SAMTOR: variants seen among roughly 807,000 people sequenced by gnomAD.
SAMTOR encodes the protein S-adenosylmethionine sensor upstream of mTORC1, also known as UPF0532 protein C7orf60.
chr7:112,922,821 G>T, the SAMTOR span, among the ~76,000 whole-genome samples: 1 of 151,160 alleles, frequency 6.6e-6, no homozygotes, highest in African/African-American at 2.4e-5. Context: ...GCCCCGTCCG[G>T]GAGGGAGGTG....
At chr7:112,906,431 A>G in the SAMTOR span, among the ~76,000 whole-genome samples, 1 of 152,230 alleles carries the variant, frequency 6.6e-6, no homozygotes, top group South Asian at 2.1e-4. Flanking sequence ...CATTTACAAC[A>G]GCAATAAAAA....
the SAMTOR span, chr7:112,822,123 G>A: frequency 1.2e-6 from 2 of 1,613,876 alleles, no homozygotes; most frequent in Non-Finnish European, 1.7e-6. Flanking sequence ...CTGATGGGAG[G>A]AATCAGGTGT....
the SAMTOR span, among the ~76,000 whole-genome samples, chr7:112,916,584 AGTGGGTGCAGGACG>A: frequency 3.3e-5 from 5 of 152,080 alleles, no homozygotes; most frequent in East Asian, 7.7e-4. Context: ...AGTGCCAGAC[AGTGGGTGCAGGACG>A]GTGGGTGCAG....
the SAMTOR span, among the ~76,000 whole-genome samples, chr7:112,893,691 C>G: frequency 6.6e-6 from 1 of 152,172 alleles, no homozygotes; most frequent in Non-Finnish European, 1.5e-5. Context: ...ATCACGAGGT[C>G]AAGAGATCCA....
chr7:112,820,364 T>C, the SAMTOR span: 1 of 152,388 alleles, frequency 6.6e-6, no homozygotes, highest in South Asian at 2.1e-4. Context: ...AATGCAAGTT[T>C]CCTTTAAAAA....
the SAMTOR span, among the ~76,000 whole-genome samples, chr7:112,926,832 G>A: frequency 1.4e-4 from 21 of 152,190 alleles, no homozygotes; most frequent in African/African-American, 5.1e-4. Context: ...TATATCCTAT[G>A]CAAGGCATCC....
chr7:112,912,481 T>C, the SAMTOR span, among the ~76,000 whole-genome samples: 1 of 152,038 alleles, frequency 6.6e-6, no homozygotes, highest in East Asian at 1.9e-4. Context: ...CAAACTTTTG[T>C]CCAACCCTTT....
the SAMTOR span, among the ~76,000 whole-genome samples, chr7:112,896,197 G>A: frequency 2.0e-5 from 3 of 151,858 alleles, no homozygotes; most frequent in African/African-American, 2.4e-5. Flanking sequence ...GTGCGTGCAC[G>A]CGCGCACGCG....
chr7:112,939,823 G>C, the SAMTOR span: 4 of 1,245,136 alleles, frequency 3.2e-6, no homozygotes, highest in Non-Finnish European at 4.5e-6. Flanking sequence ...GGTGGGGTAG[G>C]AGGAGGGAGC....
the SAMTOR span, among the ~76,000 whole-genome samples, chr7:112,909,618 A>G: frequency 1.3e-5 from 2 of 152,086 alleles, no homozygotes; most frequent in Admixed American, 1.3e-4. Flanking sequence ...CTTACATTTC[A>G]GTTATTTTAT....
At chr7:112,882,514 C>T in the SAMTOR span, among the ~76,000 whole-genome samples, 1 of 152,026 alleles carries the variant, frequency 6.6e-6, no homozygotes, top group African/African-American at 2.4e-5. Flanking sequence ...CATGGTGAAA[C>T]CCCATCTCTA....
chr7:112,928,635 T>C, the SAMTOR span, among the ~76,000 whole-genome samples: 8 of 151,946 alleles, frequency 5.3e-5, no homozygotes, highest in Admixed American at 5.2e-4. Flanking sequence ...ATTAAATTAG[T>C]TGCTAAGATA....
the SAMTOR span, among the ~76,000 whole-genome samples, chr7:112,901,284 C>T: frequency 1.3e-5 from 2 of 152,180 alleles, no homozygotes; most frequent in African/African-American, 2.4e-5. Flanking sequence ...CTAAGCTTTG[C>T]ACCTTGTCAG....
At chr7:112,836,711 T>A in the SAMTOR span, among the ~76,000 whole-genome samples, 3 of 151,752 alleles carry the variant, frequency 2.0e-5, no homozygotes, top group African/African-American at 7.2e-5. Context: ...AAATAGCGAG[T>A]CCTGTCCCCA....
the SAMTOR span, among the ~76,000 whole-genome samples, chr7:112,916,793 C>A: frequency 6.6e-6 from 1 of 152,220 alleles, no homozygotes; most frequent in Admixed American, 6.5e-5. Context: ...GAGATTATAT[C>A]CCACACCTGA....
the SAMTOR span, among the ~76,000 whole-genome samples, chr7:112,855,523 C>T: frequency 1.3e-5 from 2 of 152,092 alleles, no homozygotes; most frequent in South Asian, 2.1e-4. Context: ...TCTAGTTTAG[C>T]GTGGATGTAG....
At chr7:112,860,790 T>TC in the SAMTOR span, among the ~76,000 whole-genome samples, 7 of 151,520 alleles carry the variant, frequency 4.6e-5, no homozygotes, top group Non-Finnish European at 1.0e-4. Context: ...CGGGCGCTTG[T>TC]AGTCCCAGCT....
chr7:112,930,211 T>G, the SAMTOR span, among the ~76,000 whole-genome samples: 3 of 152,150 alleles, frequency 2.0e-5, no homozygotes, highest in Non-Finnish European at 4.4e-5. Context: ...AGCTACCATT[T>G]CAAGGCATTA....
chr7:112,887,219 A>T, the SAMTOR span, among the ~76,000 whole-genome samples: 1 of 151,284 alleles, frequency 6.6e-6, no homozygotes, highest in Non-Finnish European at 1.5e-5. Flanking sequence ...ATTCGTTTTT[A>T]AAAAGATCGT....
Sources: allele counts gnomAD v4.1 joint callset (sites outside exome capture counted in the v4.1 genomes callset), GRCh38; gene constraint gnomAD v4.1.1; transcripts MANE v1.5; gene names NCBI Gene and HGNC (gene_info 2026-07-23, HGNC 2026-07-21).